The following NRXN3 variants were observed in gnomAD, a reference collection of about 807,000 sequenced individuals.
NRXN3 encodes neurexin III.
In NRXN3, 32 loss-of-function variants were observed where a neutral mutation model predicts 137.6. The observed-to-expected ratio is 0.23, with a 90% CI of 0.18 to 0.31. NRXN3 has a LOEUF of 0.31. Among genes scored for constraint, NRXN3 ranks in the 10% least tolerant of loss-of-function variants. The pLI is 1.00. For synonymous variants in NRXN3, 798 were observed against 784.5 expected (o/e 1.02, Z -0.29); for missense variants, 1,574 against 2,062.5 (o/e 0.76, Z 4.59).
At chr14:78,605,279 T>G (rs1306262999) in intron 4 of NRXN3, among the ~76,000 whole-genome samples, 4 of 152,184 alleles carry the variant, frequency 2.6e-5, no homozygotes, top group Admixed American at 6.5e-5. Flanking sequence ...GTCATTAGTA[T>G]CTTGACATCT....
In NRXN3 at chr14:78,664,645, A is replaced by C. The variant is rs57721908; in HGVS notation, c.1221+13319A>C. On this transcript the variant is annotated intron_variant, in intron 6 of 20. Transcript: ENST00000335750. ...ATTGTTTTCTTGTTTTACCCTGCTT[A>C]AGTTAGAAGTACTTTATTATATGCT... Among the ~76,000 whole-genome samples, 442 of 152,324 alleles carry C rather than the reference A, an allele frequency of 2.9e-3. 6 individuals carry two copies. Among genetic ancestry groups the C allele is most frequent in the African/African-American group, 0.01 (423 of 41,568 alleles).
At position 78,278,526 on chromosome 14, in the gene NRXN3, T is replaced by A. The variant is rs184396277; in HGVS notation, c.710-119T>A. ...GAGTACCTCTGGGGCTTGCATGAAC[T>A]TGATAGTCATGCAAGAGCACATTGC... is the stretch of plus-strand genomic sequence containing the variant. On this transcript the variant is annotated intron_variant, in intron 2 of 20. Coordinates refer to ENST00000335750, the MANE Select transcript of NRXN3 (RefSeq NM_001330195.2). 6.8e-4 allele frequency: 561 copies of A among 826,374 alleles called. 2 individuals are homozygous for A. The highest frequency in any genetic ancestry group is 9.9e-4 in the Non-Finnish European group (497 of 502,474). 51.2% of individuals were successfully genotyped at this position (826,374 alleles called of 1,614,324 possible). A position where few individuals can be genotyped will look rare whatever the true frequency, so the allele number is the denominator to read the frequency against.
At chr14:79,455,220 A>G (rs1282017974) in intron 15 of NRXN3, among the ~76,000 whole-genome samples, 2 of 152,188 alleles carry the variant, frequency 1.3e-5, no homozygotes, top group African/African-American at 2.4e-5. Flanking sequence ...CATAGGCAAC[A>G]TCTTCTTCTA....
At chr14:79,735,158 C>A (rs1021918377) in intron 19 of NRXN3, among the ~76,000 whole-genome samples, 16 of 152,336 alleles carry the variant, frequency 1.1e-4, no homozygotes, top group Non-Finnish European at 2.1e-4. Flanking sequence ...CTCTCTTCCA[C>A]CCTGTTATAC....
At chr14:78,750,959 T>G (rs1284508062) in intron 8 of NRXN3, among the ~76,000 whole-genome samples, 1 of 152,164 alleles carries the variant, frequency 6.6e-6, no homozygotes, top group Admixed American at 6.5e-5. Context: ...TGAAAATATA[T>G]TAAACTGACA....
chr14:78,634,881 C>A (rs1433902873), intron 4 of NRXN3, among the ~76,000 whole-genome samples: 1 of 152,092 alleles, frequency 6.6e-6, no homozygotes, highest in Non-Finnish European at 1.5e-5. Context: ...TCAATTTTAT[C>A]AGCCCCTCAT....
chr14:78,705,243 A>G (rs1325842616), intron 6 of NRXN3, among the ~76,000 whole-genome samples: 1 of 152,200 alleles, frequency 6.6e-6, no homozygotes, highest in Non-Finnish European at 1.5e-5. Context: ...TCAGCCAGCC[A>G]TTTGGGGACA....
chr14:78,876,098 C>T (rs887770198), intron 10 of NRXN3, among the ~76,000 whole-genome samples: 1 of 152,164 alleles, frequency 6.6e-6, no homozygotes, highest in Non-Finnish European at 1.5e-5. Context: ...GTTATTTCTG[C>T]AGGGCTAATT....
At position 79,025,771 on chromosome 14, in the gene NRXN3, A is replaced by G. The variant is rs146852385; in HGVS notation, c.3262+37630A>G. Among the ~76,000 whole-genome samples, 1,012 of 152,288 alleles carry G rather than the reference A, an allele frequency of 6.6e-3. 37 individuals are homozygous for G. The highest frequency in any genetic ancestry group is 2.6e-3 in the Non-Finnish European group (178 of 68,020). On this transcript the variant is annotated intron_variant, in intron 15 of 20. Coordinates refer to ENST00000335750, the MANE Select transcript of NRXN3 (RefSeq NM_001330195.2). ...GCTGAAACTAACAGAAAACACAACA[A>G]ATGTTGACTTAACCAGTTAGAGGTT... is the stretch of plus-strand genomic sequence containing the variant.
At chr14:78,580,223 G>A (rs570637959) in intron 4 of NRXN3, among the ~76,000 whole-genome samples, 12 of 152,180 alleles carry the variant, frequency 7.9e-5, no homozygotes, top group Admixed American at 5.2e-4. Context: ...TTAGGAGGTG[G>A]AGACACCTTG....
intron 4 of NRXN3, among the ~76,000 whole-genome samples, chr14:78,590,808 G>A (rs1028129367): frequency 2.6e-5 from 4 of 152,064 alleles, no homozygotes; most frequent in Non-Finnish European, 4.4e-5. Flanking sequence ...CCAGCTACTC[G>A]GGAAGCTGAG....
intron 4 of NRXN3, among the ~76,000 whole-genome samples, chr14:78,624,030 T>C (rs568580961): frequency 2.0e-5 from 3 of 152,348 alleles, no homozygotes; most frequent in East Asian, 1.9e-4. Flanking sequence ...TGTTACCCAA[T>C]GAACATGATG....
chr14:78,598,512 G>A (rs1327307673), intron 4 of NRXN3, among the ~76,000 whole-genome samples: 3 of 152,206 alleles, frequency 2.0e-5, no homozygotes, highest in African/African-American at 7.2e-5. Context: ...TTCTGCGGTC[G>A]CATGTCCATG....
At chr14:79,728,520 T>G (rs899630838) in intron 19 of NRXN3, among the ~76,000 whole-genome samples, 1 of 152,204 alleles carries the variant, frequency 6.6e-6, no homozygotes, top group African/African-American at 2.4e-5. Flanking sequence ...TGGGTGCCTT[T>G]GAAAGGCAAA....
intron 8 of NRXN3, among the ~76,000 whole-genome samples, chr14:78,769,108 C>T (rs1226365140): frequency 2.6e-5 from 4 of 152,080 alleles, no homozygotes; most frequent in Non-Finnish European, 5.9e-5. Context: ...TAAGAGTTAC[C>T]TTATTAGGAT....
chr14:79,179,243 A>G (rs1272484214), intron 15 of NRXN3, among the ~76,000 whole-genome samples: 1 of 152,192 alleles, frequency 6.6e-6, no homozygotes, highest in Non-Finnish European at 1.5e-5. Context: ...CAAGAAAACA[A>G]CAACAACAAA....
rs143263477 is a variant in NRXN3, at chr14:79,419,529, A to G, written c.3263-47692A>G. 8.4e-3 allele frequency among the ~76,000 whole-genome samples: 1,282 copies of G among 152,244 alleles called. 14 individuals are homozygous for G. The highest frequency in any genetic ancestry group is 0.029 in the African/African-American group (1,209 of 41,546). On this transcript the variant is annotated intron_variant, in intron 15 of 20. Coordinates refer to ENST00000335750, the MANE Select transcript of NRXN3 (RefSeq NM_001330195.2). ...ATATGGCTGCTAGATATTGGTAGAAAACCATCCTTCTCATTTGTGCCCTTA... is the reference window on the plus strand; with the variant it reads ...ATATGGCTGCTAGATATTGGTAGAAGACCATCCTTCTCATTTGTGCCCTTA...
chr14:79,123,841 T>G (rs1378757225), intron 15 of NRXN3, among the ~76,000 whole-genome samples: 1 of 152,168 alleles, frequency 6.6e-6, no homozygotes, highest in Non-Finnish European at 1.5e-5. Flanking sequence ...TGGGGAAAGA[T>G]GCATTCCAGA....
chr14:79,321,105 A>G (rs2089936562), intron 15 of NRXN3, among the ~76,000 whole-genome samples: 1 of 152,084 alleles, frequency 6.6e-6, no homozygotes, highest in Non-Finnish European at 1.5e-5. Flanking sequence ...TTCTCATGAT[A>G]TCAGTTTTTC....
Sources: allele counts gnomAD v4.1 joint callset (sites outside exome capture counted in the v4.1 genomes callset), GRCh38; gene constraint gnomAD v4.1.1; transcripts MANE v1.5; gene names NCBI Gene and HGNC (gene_info 2026-07-23, HGNC 2026-07-21).